The following MMP25 variants were observed in gnomAD, a reference collection of about 807,000 sequenced individuals.
MMP25 encodes matrix metallopeptidase 25.
A neutral mutation model predicts 62.1 loss-of-function variants in MMP25; 68 were observed. That is an observed-to-expected ratio of 1.10 (90% confidence interval 0.90 to 1.34). The LOEUF is 1.34. MMP25 is among the 40% of genes most tolerant of loss of function. The pLI is 0.00. For missense variants in MMP25, 942 were observed against 792.5 expected (o/e 1.19, Z -2.26); for synonymous variants, 407 against 345.6 (o/e 1.18, Z -1.97).
At position 3,057,911 on chromosome 16, in the gene MMP25, C is replaced by G. The variant is rs114457228; in HGVS notation, c.1007-270C>G. On this transcript the variant is annotated intron_variant, in intron 7 of 9. Coordinates refer to ENST00000336577, the MANE Select transcript of MMP25 (RefSeq NM_022468.5). ...TAGAGATGGAGTCTCACTATATTGCCCAGGCTGGGCTCAATCTCCTGGCTC... is the reference window on the plus strand; with the variant it reads ...TAGAGATGGAGTCTCACTATATTGCGCAGGCTGGGCTCAATCTCCTGGCTC... 1.7e-3 allele frequency: 958 copies of G among 576,610 alleles called. 19 individuals carry two copies. In the African/African-American group the frequency reaches 0.017, roughly 10 times the overall value. 35.7% of individuals were successfully genotyped at this position (576,610 alleles called of 1,614,324 possible).
Position 3,050,434 on chromosome 16 carries a change from C to A in MMP25, c.549C>A (p.Tyr183Ter), listed in dbSNP as rs1955885848. 1 of 1,613,876 alleles carries A rather than the reference C, an allele frequency of 6.2e-7. No individual in the cohort carries two copies. Among genetic ancestry groups the A allele is most frequent in the Non-Finnish European group, 8.5e-7 (1 of 1,179,996 alleles). ...DFARAFHQDSYPFDGLGGTLA... is the reference protein window; with the variant it reads ...DFARAFHQDS ...CCCGCGCCTTCCACCAGGACAGCTA[C>A]CCCTTCGACGGGTTGGGGGGCACCC... The change falls in exon 4 of 10, where the codon TAC becomes TAA. Residue 183 changes from tyrosine to a stop codon, truncating the protein, a stop_gained. Transcript: ENST00000336577. LOFTEE classifies it high-confidence loss of function.
Position 3,047,381 on chromosome 16 carries a change from C to T in MMP25, c.100-34C>T, listed in dbSNP as rs775715820. 1.5e-5 allele frequency: 24 copies of T among 1,592,314 alleles called. No individual in the cohort carries two copies. The Admixed American group carries it at 1.7e-4, about 11-fold the overall frequency. The stretch of plus-strand genomic sequence containing the variant: ...GCAGAGAGAGCCCATACTTTTCACC[C>T]AGCCCGCTTCACCTGCCCCCTCCGA... On this transcript the variant is annotated intron_variant, in intron 1 of 9. Transcript: ENST00000336577.
Position 3,057,217 on chromosome 16 carries a change from G to T in MMP25, c.838+8G>T, listed in dbSNP as rs768349645. ...GCCTGCAGCAACTCTATGGTAGGGG[G>T]AGAGGGACCTGCCGCGAAACCATCA... On this transcript the variant is annotated splice_region_variant and intron_variant, in intron 5 of 9. Coordinates refer to ENST00000336577, the MANE Select transcript of MMP25 (RefSeq NM_022468.5). 1 of 1,613,370 alleles carries T rather than the reference G, an allele frequency of 6.2e-7. No homozygotes were observed. Among genetic ancestry groups the T allele is most frequent in the Non-Finnish European group, 8.5e-7 (1 of 1,179,646 alleles).
chr16:3,046,983 G>T lies in MMP25; in HGVS notation c.66G>T (p.Pro22=). Residue 22 remains proline, a synonymous_variant, in exon 1 of 10, where the codon CCG becomes CCT. Coordinates refer to ENST00000336577, the MANE Select transcript of MMP25 (RefSeq NM_022468.5). ...LLLLAPPARA[P]KPSAQDVSLG... is the part of the protein sequence containing the mutation. ...TGCTGGCACCGCCCGCGCGCGCCCC[G>T]AAGCCCTCGGCGCAGGACGTGAGCC... 6.8e-7 allele frequency: 1 copy of T among 1,471,204 alleles called. No individual in the cohort carries two copies. Among genetic ancestry groups the T allele is most frequent in the Non-Finnish European group, 8.9e-7 (1 of 1,119,344 alleles). The allele number at this position is 1,471,204 out of a possible 1,614,324, so 91.1% of individuals were successfully genotyped here.
rs766331063 is a variant in MMP25 at position 3,058,485 on chromosome 16, C to T, written c.1233C>T (p.Pro411=). The T allele has an allele frequency of 7.5e-6, 12 of 1,607,416 alleles. No individual in the cohort carries two copies. Among genetic ancestry groups the T allele is most frequent in the African/African-American group, 1.3e-5 (1 of 74,678 alleles). ...GGCCGCTCACGGAGCTGGGGCTGCC[C>T]CCGGGAGAGGAGGTGGACGCCGTGT... ...GARPLTELGL[P]PGEEVDAVFS... is the part of the protein sequence containing the mutation. The change falls in exon 9 of 10, where the codon CCC becomes CCT. Residue 411 remains proline (P), a synonymous_variant. Transcript: ENST00000336577.
In MMP25 at chr16:3,057,108, C is replaced by A; in HGVS notation, c.737C>A (p.Ala246Asp). The A allele has an allele frequency of 6.2e-7, 1 of 1,613,252 alleles. No individual in the cohort carries two copies. Among genetic ancestry groups the A allele is most frequent in the Non-Finnish European group, 8.5e-7 (1 of 1,179,686 alleles). ...GHALGLGHSS[A>D]PNSIMRPFYQ... ...GCCCTGGGCCTGGGCCACTCCTCAG[C>A]CCCCAACTCCATTATGAGGCCCTTC... Residue 246 changes from alanine (A) to aspartate (D), a missense_variant, in exon 5 of 10, where the codon GCC (alanine) becomes GAC (aspartate). By Grantham distance (126) the Ala-to-Asp change is moderately radical (BLOSUM62 -2). Transcript: ENST00000336577.
At chr16:3,054,175 T>C (rs1955956206) in intron 4 of MMP25, 1 of 141,486 alleles carries the variant, frequency 7.1e-6, no homozygotes, top group African/African-American at 2.7e-5. Context: ...GAGGCAAGGA[T>C]GGATGGATGG....
At position 3,046,727 on chromosome 16, in the gene MMP25, G is replaced by A. The variant is rs908652249; in HGVS notation, c.-191G>A. The A allele has an allele frequency of 7.2e-6, 3 of 419,082 alleles. No individual in the cohort carries two copies. Among genetic ancestry groups the A allele is most frequent in the African/African-American group, 6.3e-5 (3 of 47,988 alleles). The allele number at this position is 419,082 out of a possible 1,614,324, so 26.0% of individuals were successfully genotyped here. ...CAGCGGCGCGACCCTGGCCCTCCGG[G>A]ACCCTCCGCTGACTCCACCGCGCAC... is the stretch of plus-strand genomic sequence containing the variant. On this transcript the variant is annotated 5_prime_UTR_variant, in exon 1 of 10. Transcript: ENST00000336577.
chr16:3,056,730 T>C, intron 4 of MMP25: 1 of 319,680 alleles, frequency 3.1e-6, no homozygotes, highest in Non-Finnish European at 5.8e-6. Flanking sequence ...CCCTCAAACT[T>C]CTGTGCACAA....
chr16:3,050,101 G>C lies in MMP25; in HGVS notation c.325G>C (p.Ala109Pro). The C allele has an allele frequency of 6.2e-7, 1 of 1,610,846 alleles. No homozygotes were observed. The highest frequency in any genetic ancestry group is 8.5e-7 in the Non-Finnish European group (1 of 1,179,222). Residue 109 changes from alanine to proline, a missense_variant, in exon 3 of 10, where the codon GCT becomes CCT. By Grantham distance (27) the Ala-to-Pro change is conservative. Coordinates refer to ENST00000336577, the MANE Select transcript of MMP25 (RefSeq NM_022468.5). Reference protein sequence around the residue: ...AGLVRRRRRYALSGSVWKKRT... With the variant: ...AGLVRRRRRYPLSGSVWKKRT... Reference sequence around the variant, plus strand: ...GCTGGTCAGGCGGCGTCGCCGGTACGCTCTGAGCGGCAGCGTGTGGAAGAA... The same window carrying C: ...GCTGGTCAGGCGGCGTCGCCGGTACCCTCTGAGCGGCAGCGTGTGGAAGAA...
rs748873050 is a variant in MMP25 at position 3,050,519 on chromosome 16, G to A, written c.634G>A (p.Glu212Lys). The A allele has an allele frequency of 6.4e-7, 1 of 1,571,268 alleles. No homozygotes were observed. Among genetic ancestry groups the A allele is most frequent in the Non-Finnish European group, 8.6e-7 (1 of 1,156,712 alleles). ...CTCCGGGGACACTCACTTTGACGAT[G>A]AGGAGACCTGGACTTTTGGGTCAAA... is the stretch of plus-strand genomic sequence containing the variant. ...PISGDTHFDD[E>K]ETWTFGSKDG... Residue 212 changes from glutamate (E) to lysine (K), a missense_variant, in exon 4 of 10, where the codon GAG becomes AAG. Coordinates refer to ENST00000336577, the MANE Select transcript of MMP25 (RefSeq NM_022468.5).
In MMP25 at chr16:3,059,430, C is replaced by A. The variant is rs921744067; in HGVS notation, c.*332C>A. 35 of 241,276 alleles carry A rather than the reference C, an allele frequency of 1.5e-4. No homozygotes were observed. The highest frequency in any genetic ancestry group is 2.4e-4 in the Non-Finnish European group (30 of 125,706). The allele number at this position is 241,276 out of a possible 1,614,324, so 14.9% of individuals were successfully genotyped here. A position where few individuals can be genotyped will look rare whatever the true frequency, so the allele number is the denominator to read the frequency against. On this transcript the variant is annotated 3_prime_UTR_variant, in exon 10 of 10. Transcript: ENST00000336577. The stretch of plus-strand genomic sequence containing the variant: ...GCCAGGGGGCGGTCGGACCCCGCCT[C>A]CCGAGCCCGGGGAGGGGCGGGGAGG...
chr16:3,058,084 T>C, intron 7 of MMP25, 97 bp from the exon 8 acceptor site: 1 of 1,458,382 alleles, frequency 6.9e-7, no homozygotes, highest in Admixed American at 2.2e-5. Context: ...GCGCCCTTGA[T>C]TTCCAGATGG....
At position 3,046,773 on chromosome 16, in the gene MMP25, A is replaced by C; in HGVS notation, c.-145A>C. ...CGCACTTCCCGGGACCCCCACACAC[A>C]TCCCAGCCCTCCGGCCGATCCCTCC... On this transcript the variant is annotated 5_prime_UTR_variant, in exon 1 of 10. Transcript: ENST00000336577. 4.3e-6 allele frequency: 2 copies of C among 466,008 alleles called. No individual in the cohort carries two copies. The highest frequency in any genetic ancestry group is 7.4e-6 in the Non-Finnish European group (2 of 269,094). 28.9% of individuals were successfully genotyped at this position (466,008 alleles called of 1,614,324 possible).
In MMP25 at chr16:3,058,321, C is replaced by G; in HGVS notation, c.1147C>G (p.Leu383Val). The change falls in exon 8 of 10, where the codon CTC (leucine) becomes GTC (valine). Residue 383 changes from leucine to valine, a missense_variant. Leu to Val is a conservative substitution (Grantham distance 32). Transcript: ENST00000336577. ...TGCTCGGCACCGAGACGGCCGAATCCTCCTCTTTAGCGGTGAGTGGGGCCG... is the reference window on the plus strand; with the variant it reads ...TGCTCGGCACCGAGACGGCCGAATCGTCCTCTTTAGCGGTGAGTGGGGCCG... ...AYARHRDGRI[L>V]LFSGPQFWVF... 3.8e-6 allele frequency: 6 copies of G among 1,594,398 alleles called. No homozygotes were observed. Among genetic ancestry groups the G allele is most frequent in the Non-Finnish European group, 5.1e-6 (6 of 1,172,264 alleles).
At chr16:3,056,819 G>A (rs1228646383) in intron 4 of MMP25, 13 of 528,442 alleles carry the variant, frequency 2.5e-5, no homozygotes, top group Admixed American at 3.7e-5. Context: ...GATCTTTTCA[G>A]CCCTGTGGTC....
At chr16:3,057,001 C>T (rs554324000) in intron 4 of MMP25, 32 bp from the exon 5 acceptor site, 115 of 1,528,604 alleles carry the variant, frequency 7.5e-5, no homozygotes, top group Non-Finnish European at 9.7e-5. Context: ...CAAGCAGGGG[C>T]GGCCGCAGCT....
Position 3,046,899 on chromosome 16 carries a change from GC to G in MMP25, c.-16del. ...AGGCCCCCTTCGAACCCCGCCGGCGGCCCGGGCTGGGGCGCACCATGCGGCT... is the reference window on the plus strand; with the variant it reads ...AGGCCCCCTTCGAACCCCGCCGGCGGCCGGGCTGGGGCGCACCATGCGGCT... On this transcript the variant is annotated 5_prime_UTR_variant, in exon 1 of 10. Coordinates refer to ENST00000336577, the MANE Select transcript of MMP25 (RefSeq NM_022468.5). The G allele has an allele frequency of 7.2e-7, 1 of 1,383,914 alleles. No individual in the cohort carries two copies. The allele number at this position is 1,383,914 out of a possible 1,614,324, so 85.7% of individuals were successfully genotyped here.
At position 3,057,208 on chromosome 16, in the gene MMP25, T is replaced by C. The variant is rs779303598; in HGVS notation, c.837T>C (p.Tyr279=). ...ACCGCGATGGCCTGCAGCAACTCTA[T>C]GGTAGGGGGAGAGGGACCTGCCGCG... ...QDDRDGLQQL[Y]GKAPQTPYDK... is the part of the protein sequence containing the mutation. Residue 279 remains tyrosine (Y), a splice_region_variant and synonymous_variant, in exon 5 of 10, where the codon TAT becomes TAC. Coordinates refer to ENST00000336577, the MANE Select transcript of MMP25 (RefSeq NM_022468.5). 1 of 1,613,014 alleles carries C rather than the reference T, an allele frequency of 6.2e-7. No individual in the cohort carries two copies. Among genetic ancestry groups the C allele is most frequent in the Non-Finnish European group, 8.5e-7 (1 of 1,179,504 alleles).
Sources: allele counts gnomAD v4.1 joint callset, GRCh38; gene constraint gnomAD v4.1.1; transcripts MANE v1.5; gene names NCBI Gene and HGNC (gene_info 2026-07-23, HGNC 2026-07-21).